Variants in CERKL observed in about 807,000 individuals in gnomAD.
CERKL encodes CERK like autophagy regulator, also known as ceramide kinase-like protein.
Under a neutral mutation model 63.4 loss-of-function variants are expected in CERKL, and 61 were observed. The observed-to-expected ratio is 0.96, with a 90% confidence interval of 0.78 to 1.19. The LOEUF is 1.19. Among genes scored for constraint, CERKL ranks in the 50% most tolerant of loss-of-function variants. The probability of loss-of-function intolerance (pLI) is 0.00; values close to 1 mark genes in which losing one functional copy is unlikely to be tolerated. For missense variants in CERKL, 675 were observed against 655.5 expected (o/e 1.03, Z -0.33); for synonymous variants, 250 against 230.5 (o/e 1.08, Z -0.77).
chr2:181,558,760 A>G lies in CERKL; in HGVS notation c.678-52T>C, dbSNP rs1383462157. 3.2e-6 allele frequency: 5 copies of G among 1,583,030 alleles called. No individual in the cohort carries two copies. The highest frequency in any genetic ancestry group is 1.7e-5 in the Admixed American group (1 of 59,774). On this transcript the variant is annotated intron_variant, in intron 4 of 12. Coordinates refer to ENST00000410087, the MANE Select transcript of CERKL (RefSeq NM_201548.5). The surrounding 1 kb of genome is among the most constrained non-coding windows in gnomAD (Gnocchi z 4.2). The stretch of plus-strand genomic sequence containing the variant: ...AGGCAAAACTTCAGAATGATTGGTA[A>G]TAAGTCATGAAATCTAGACTTCAAA...
intron 1 of CERKL, among the ~76,000 whole-genome samples, chr2:181,639,541 G>A (rs938819681): frequency 3.3e-5 from 5 of 152,132 alleles, no homozygotes; most frequent in Non-Finnish European, 5.9e-5. Flanking sequence ...GTTGATGATG[G>A]AACTGTCTTA....
chr2:181,554,164 CAAAAAAAAAAA>C (rs36086391), intron 5 of CERKL, among the ~76,000 whole-genome samples: 4 of 94,256 alleles, frequency 4.2e-5, no homozygotes, highest in African/African-American at 8.2e-5. Context: ...ACTATGGAGG[CAAAAAAAAAAA>C]AAAAAAAAAA....
chr2:181,599,814 T>A (rs948317733), intron 2 of CERKL, among the ~76,000 whole-genome samples: 5 of 152,114 alleles, frequency 3.3e-5, no homozygotes, highest in Non-Finnish European at 5.9e-5. Flanking sequence ...TTCCCTAATC[T>A]TGCCAGAGAG....
chr2:181,574,094 A>C (rs1689022859), intron 2 of CERKL, among the ~76,000 whole-genome samples: 1 of 152,240 alleles, frequency 6.6e-6, no homozygotes, highest in African/African-American at 2.4e-5. Flanking sequence ...CTCTTAAAAT[A>C]AATCATGAGT....
At chr2:181,560,050 AAT>A (rs1250003009) in intron 4 of CERKL, among the ~76,000 whole-genome samples, 1 of 152,182 alleles carries the variant, frequency 6.6e-6, no homozygotes, top group African/African-American at 2.4e-5. Flanking sequence ...TATATCAGGT[AAT>A]GTGTTTACTA....
intron 1 of CERKL, among the ~76,000 whole-genome samples, chr2:181,623,391 C>T (rs1166225584): frequency 6.6e-6 from 1 of 152,210 alleles, no homozygotes; most frequent in Non-Finnish European, 1.5e-5. Flanking sequence ...CAGCACATGA[C>T]TCATCCATTA....
chr2:181,568,144 T>C (rs1688743672), intron 3 of CERKL, among the ~76,000 whole-genome samples: 1 of 152,150 alleles, frequency 6.6e-6, no homozygotes, highest in Non-Finnish European at 1.5e-5. Context: ...AAGGTTGATA[T>C]TCAATGTTGA....
At chr2:181,580,252 A>G (rs1684446709) in intron 2 of CERKL, among the ~76,000 whole-genome samples, 1 of 151,888 alleles carries the variant, frequency 6.6e-6, no homozygotes, top group Admixed American at 6.6e-5. Context: ...ACATTTTAAG[A>G]TAAGTGGTGA....
chr2:181,545,823 C>A (rs1398711300), intron 10 of CERKL, among the ~76,000 whole-genome samples: 1 of 152,160 alleles, frequency 6.6e-6, no homozygotes, highest in Non-Finnish European at 1.5e-5. Context: ...AAAGCACTAT[C>A]CTATGCCTGC....
In CERKL at chr2:181,539,168, C is replaced by T; in HGVS notation, c.1462G>A (p.Glu488Lys). The T allele has an allele frequency of 1.2e-6, 2 of 1,607,260 alleles. No homozygotes were observed. Among genetic ancestry groups the T allele is most frequent in the African/African-American group, 1.3e-5 (1 of 74,888 alleles). Residue 488 changes from glutamate (E) to lysine (K), a missense_variant, in exon 12 of 13, where the codon GAA (glutamate) becomes AAA (lysine). Glu to Lys is a moderately conservative substitution (Grantham distance 56). Coordinates refer to ENST00000410087, the MANE Select transcript of CERKL (RefSeq NM_201548.5). ...GGYNPEEEED[E>K]TASENCFPWN... ...GGGAAACAATTTTCTGAAGCAGTTT[C>T]ATCCTCCTCCTCCTCTGGATTATAT...
At chr2:181,543,835 T>C (rs1212973781) in intron 11 of CERKL, among the ~76,000 whole-genome samples, 1 of 151,704 alleles carries the variant, frequency 6.6e-6, no homozygotes. Context: ...AATATAAAAA[T>C]TAGCTGGGCA....
intron 1 of CERKL, among the ~76,000 whole-genome samples, chr2:181,650,991 T>C (rs1374876386): frequency 6.6e-6 from 1 of 152,106 alleles, no homozygotes; most frequent in East Asian, 1.9e-4. Flanking sequence ...TAGGAAGACA[T>C]AAAATCTGAC....
intron 1 of CERKL, among the ~76,000 whole-genome samples, chr2:181,618,274 T>TC (rs1686293622): frequency 6.6e-6 from 1 of 152,102 alleles, no homozygotes; most frequent in African/African-American, 2.4e-5. Flanking sequence ...ATATTTTTTT[T>TC]TTTTTTTTAG....
At position 181,619,274 on chromosome 2, in the gene CERKL, G is replaced by A. The variant is rs113504779; in HGVS notation, c.239-15195C>T. On this transcript the variant is annotated intron_variant, in intron 1 of 12. Coordinates refer to ENST00000410087, the MANE Select transcript of CERKL (RefSeq NM_201548.5). ...GGGTTGGGGGAGGTCTCCAAGAATG[G>A]CACCAACAGAAAACATGACCTTAAT... is the stretch of plus-strand genomic sequence containing the variant. Among the ~76,000 whole-genome samples the A allele has an allele frequency of 2.8e-3, 423 of 151,540 alleles. 2 individuals are homozygous for A. Among genetic ancestry groups the A allele is most frequent in the Non-Finnish European group, 5.6e-3 (378 of 67,948 alleles).
chr2:181,564,409 G>C (rs2105830201), intron 4 of CERKL, among the ~76,000 whole-genome samples: 1 of 152,164 alleles, frequency 6.6e-6, no homozygotes, highest in East Asian at 1.9e-4. Context: ...TAATGGTTAG[G>C]CCAAACTATT....
intron 4 of CERKL, among the ~76,000 whole-genome samples, chr2:181,559,023 A>G (rs944872778): frequency 2.0e-5 from 3 of 152,190 alleles, no homozygotes; most frequent in Admixed American, 6.6e-5. Flanking sequence ...ATCCAAAAGC[A>G]TATCATTCTC....
intron 11 of CERKL, among the ~76,000 whole-genome samples, chr2:181,542,053 C>T (rs1687531335): frequency 6.6e-6 from 1 of 152,104 alleles, no homozygotes; most frequent in Non-Finnish European, 1.5e-5. Context: ...AGACGGCATC[C>T]TGAGAAGATG....
At chr2:181,630,785 C>T (rs999414906) in intron 1 of CERKL, among the ~76,000 whole-genome samples, 3 of 152,132 alleles carry the variant, frequency 2.0e-5, no homozygotes, top group African/African-American at 7.2e-5. Flanking sequence ...CCTATACTAT[C>T]CTGCCTTGAC....
Position 181,537,182 on chromosome 2 carries a change from T to TCATAGATGAAAAATCAAGCCCCGATTTAG in CERKL, c.*973_*1001dup. ...CATTCTTTCAGGAGAACATCTAGGA[T>TCATAGATGAAAAATCAAGCCCCGATTTAG]CATAGATGAAAAATCAAGCCCCGAT... On this transcript the variant is annotated 3_prime_UTR_variant, in exon 13 of 13. Transcript: ENST00000410087. 1 of 453,688 alleles carries TCATAGATGAAAAATCAAGCCCCGATTTAG rather than the reference T, an allele frequency of 2.2e-6. No homozygotes were observed. The highest frequency in any genetic ancestry group is 4.4e-6 in the Non-Finnish European group (1 of 226,472). 28.1% of individuals were successfully genotyped at this position (453,688 alleles called of 1,614,324 possible). A position where few individuals can be genotyped will look rare whatever the true frequency, so the allele number is the denominator to read the frequency against.
Sources: gnomAD v4.1 joint callset for allele counts (sites outside exome capture counted in the v4.1 genomes callset) on GRCh38, gnomAD v4.1.1 for gene constraint, Gnocchi (gnomAD v3.1) non-coding constraint, MANE v1.5 for transcripts, NCBI Gene and HGNC (gene_info 2026-07-23, HGNC 2026-07-21) for gene names.